KCNU1: variants seen among roughly 807,000 people sequenced by gnomAD.
KCNU1 encodes the protein potassium calcium-activated channel subfamily U member 1.
KCNU1 carries 93 observed loss-of-function variants against 126.8 expected under a neutral mutation model. That is an observed-to-expected ratio of 0.73 (90% CI 0.62 to 0.87). The LOEUF (loss-of-function observed/expected upper bound fraction) is 0.87, where lower values mean the gene tolerates loss of function less well. Among genes scored for constraint, KCNU1 ranks in the 40% least tolerant of loss-of-function variants. KCNU1 has a pLI of 0.00. For synonymous variants in KCNU1, 523 were observed against 494.2 expected (o/e 1.06, Z -0.77); for missense variants, 1,330 against 1,367.1 (o/e 0.97, Z 0.43).
intron 9 of KCNU1, among the ~76,000 whole-genome samples, 193 bp from the exon 10 acceptor site, chr8:36,817,457 C>G (rs1418607085): frequency 7.2e-6 from 1 of 138,206 alleles, no homozygotes; most frequent in African/African-American, 2.8e-5. Flanking sequence ...TGAGATCACA[C>G]CATTGCACTC....
intron 7 of KCNU1, among the ~76,000 whole-genome samples, chr8:36,812,636 T>C (rs1429833772): frequency 6.6e-6 from 1 of 152,168 alleles, no homozygotes; most frequent in Admixed American, 6.5e-5. Context: ...GGAGTTAAAA[T>C]AGATAATGAT....
chr8:36,808,651 AGG>A, intron 6 of KCNU1, 65 bp from the exon 7 acceptor site: 4 of 934,460 alleles, frequency 4.3e-6, no homozygotes, highest in Non-Finnish European at 6.9e-6. Context: ...AACATCTTAG[AGG>A]ATGAGGTGTT....
At chr8:36,923,670 A>G (rs1808441453) in intron 24 of KCNU1, among the ~76,000 whole-genome samples, 1 of 152,218 alleles carries the variant, frequency 6.6e-6, no homozygotes, top group African/African-American at 2.4e-5. Flanking sequence ...AACAAAGGAA[A>G]AGCAGACATA....
chr8:36,883,541 G>A (rs576740464), intron 19 of KCNU1, among the ~76,000 whole-genome samples: 1 of 152,148 alleles, frequency 6.6e-6, no homozygotes, highest in East Asian at 1.9e-4. Context: ...CCCAGCACTT[G>A]GGAAGGCAGA....
chr8:36,879,211 G>A (rs57821181), intron 19 of KCNU1, among the ~76,000 whole-genome samples: 24,956 of 99,606 alleles, frequency 0.25, 3,533 homozygotes, highest in Non-Finnish European at 0.32. Context: ...GTGTGTGTGT[G>A]TATATATATA....
intron 2 of KCNU1, among the ~76,000 whole-genome samples, chr8:36,792,923 G>A (rs955084926): frequency 2.0e-5 from 3 of 151,952 alleles, no homozygotes; most frequent in Non-Finnish European, 4.4e-5. Context: ...TATTGATGTT[G>A]AACCCTGTCT....
At chr8:36,887,455 T>G (rs985739529) in intron 19 of KCNU1, among the ~76,000 whole-genome samples, 4 of 149,670 alleles carry the variant, frequency 2.7e-5, no homozygotes, top group Non-Finnish European at 3.0e-5. Flanking sequence ...TTTTTTTGTT[T>G]TTTTTTTTTT....
At chr8:36,823,860 G>A (rs1453807293) in intron 10 of KCNU1, among the ~76,000 whole-genome samples, 2 of 141,208 alleles carry the variant, frequency 1.4e-5, no homozygotes, top group Non-Finnish European at 3.0e-5. Context: ...TTTTTGAGAA[G>A]GAGTTTTGCT....
intron 12 of KCNU1, 125 bp downstream of exon 12, chr8:36,834,993 C>T (rs978426358): frequency 4.0e-5 from 26 of 647,510 alleles, no homozygotes; most frequent in South Asian, 1.6e-4. Flanking sequence ...CATCATATTC[C>T]AAGGTTCTGC....
intron 2 of KCNU1, among the ~76,000 whole-genome samples, chr8:36,793,661 T>C (rs995263211): frequency 8.5e-5 from 13 of 152,214 alleles, no homozygotes; most frequent in Non-Finnish European, 1.6e-4. Context: ...CAGTAATTAC[T>C]AATCAACATG....
chr8:36,867,559 A>G (rs974704450), intron 19 of KCNU1, among the ~76,000 whole-genome samples: 4 of 152,192 alleles, frequency 2.6e-5, no homozygotes, highest in African/African-American at 9.6e-5. Context: ...AAGACAACAT[A>G]TGTGATAACA....
In KCNU1 at chr8:36,828,618, T is replaced by C. The variant is rs114040975; in HGVS notation, c.1107-4936T>C. Reference sequence around the variant, plus strand: ...GTTAATTGGTTGTTCTTGTTAGTGATATTCATTTCCCTCAGTTCCACTCTT... The same window carrying C: ...GTTAATTGGTTGTTCTTGTTAGTGACATTCATTTCCCTCAGTTCCACTCTT... On this transcript the variant is annotated intron_variant, in intron 10 of 26. Transcript: ENST00000399881. Among the ~76,000 whole-genome samples, 815 of 152,262 alleles carry C rather than the reference T, an allele frequency of 5.4e-3. 8 individuals are homozygous for C. Among genetic ancestry groups the C allele is most frequent in the African/African-American group, 0.019 (780 of 41,572 alleles).
At chr8:36,858,318 G>C (rs555209210) in intron 18 of KCNU1, among the ~76,000 whole-genome samples, 37 of 150,918 alleles carry the variant, frequency 2.5e-4, no homozygotes, top group Middle Eastern at 3.4e-3. Flanking sequence ...ATGTCTTCAA[G>C]ACTTTATTTT....
Position 36,834,801 on chromosome 8 carries a change from G to A in KCNU1, c.1228G>A (p.Ala410Thr). 1.9e-6 allele frequency: 3 copies of A among 1,610,400 alleles called. No individual in the cohort carries two copies. Among genetic ancestry groups the A allele is most frequent in the Non-Finnish European group, 2.5e-6 (3 of 1,177,438 alleles). Residue 410 changes from alanine (A) to threonine (T), a missense_variant, in exon 12 of 27, where the codon GCA (alanine) becomes ACA (threonine). Physicochemically the swap from Ala to Thr is moderately conservative, Grantham distance 58 (BLOSUM62 0). Coordinates refer to ENST00000399881, the MANE Select transcript of KCNU1 (RefSeq NM_001031836.3). ...LRRVAVESAE[A>T]CLIIANPLCS... ...TGAAGGGTAGGTGGAATCTGCAGAG[G>A]CATGCCTGATTATAGCCAATCCTTT...
At chr8:36,792,525 G>A (rs1316729023) in intron 2 of KCNU1, among the ~76,000 whole-genome samples, 3 of 152,124 alleles carry the variant, frequency 2.0e-5, no homozygotes, top group African/African-American at 7.2e-5. Context: ...ACTTTCCTAG[G>A]TTCTACTTCC....
At chr8:36,876,185 C>T (rs536917812) in intron 19 of KCNU1, among the ~76,000 whole-genome samples, 7 of 152,142 alleles carry the variant, frequency 4.6e-5, no homozygotes, top group Admixed American at 1.3e-4. Context: ...TCCCCTAGGC[C>T]GACACAGGAC....
chr8:36,924,302 G>A (rs1808463687), intron 24 of KCNU1, among the ~76,000 whole-genome samples: 1 of 152,222 alleles, frequency 6.6e-6, no homozygotes, highest in Non-Finnish European at 1.5e-5. Flanking sequence ...CACAGTTGAT[G>A]AACTTGCTGC....
intron 2 of KCNU1, among the ~76,000 whole-genome samples, chr8:36,803,215 C>G (rs1487697663): frequency 2.0e-5 from 3 of 152,108 alleles, no homozygotes; most frequent in Non-Finnish European, 4.4e-5. Flanking sequence ...ATACGTAGCC[C>G]ACTCAAGGAA....
chr8:36,888,068 G>C (rs1428383205), intron 19 of KCNU1, among the ~76,000 whole-genome samples: 1 of 152,040 alleles, frequency 6.6e-6, no homozygotes, highest in African/African-American at 2.4e-5. Context: ...CAGTTGGTCG[G>C]GGAAAGGGGG....
Sources: allele counts gnomAD v4.1 joint callset (sites outside exome capture counted in the v4.1 genomes callset), GRCh38; gene constraint gnomAD v4.1.1; transcripts MANE v1.5; gene names NCBI Gene and HGNC (gene_info 2026-07-23, HGNC 2026-07-21).